The following THSD4 variants were observed in gnomAD, a reference collection of about 807,000 sequenced individuals.
The protein encoded by THSD4 is thrombospondin type-1 domain-containing protein 4.
THSD4 carries 69 observed loss-of-function variants against 119.0 expected under a neutral mutation model. The ratio of observed to expected loss-of-function variants is 0.58; its 90% CI spans 0.48 to 0.71. THSD4 has a LOEUF of 0.71. THSD4 is among the 30% of genes least tolerant of loss of function. THSD4 has a pLI of 0.00. For missense variants in THSD4, 1,393 were observed against 1,391.1 expected (o/e 1.00, Z -0.02); for synonymous variants, 524 against 540.4 (o/e 0.97, Z 0.42).
At chr15:71,742,029 T>C (rs180718729) in intron 11 of THSD4, among the ~76,000 whole-genome samples, 2 of 152,282 alleles carry the variant, frequency 1.3e-5, no homozygotes, top group East Asian at 1.9e-4. Context: ...CATCTAATGG[T>C]CGTCAGCAGT....
chr15:71,331,877 C>CT (rs1320614005), intron 6 of THSD4, among the ~76,000 whole-genome samples: 1 of 139,714 alleles, frequency 7.2e-6, no homozygotes, highest in Non-Finnish European at 1.5e-5. Context: ...GCTTTTTCAT[C>CT]TGTAATACAG....
intron 8 of THSD4, among the ~76,000 whole-genome samples, chr15:71,712,655 T>C (rs1194934613): frequency 1.3e-5 from 2 of 152,228 alleles, no homozygotes; most frequent in African/African-American, 4.8e-5. Flanking sequence ...GATAAGCCTC[T>C]ATTCACAGCC....
chr15:71,265,571 T>C (rs762272250), intron 6 of THSD4, among the ~76,000 whole-genome samples: 11 of 152,034 alleles, frequency 7.2e-5, no homozygotes, highest in Non-Finnish European at 4.4e-5. Context: ...TTTTTTTTCG[T>C]ACCCCAGTGG....
chr15:71,193,493 G>A (rs927510777), intron 3 of THSD4, among the ~76,000 whole-genome samples: 3 of 152,112 alleles, frequency 2.0e-5, no homozygotes, highest in Non-Finnish European at 4.4e-5. Flanking sequence ...TTGGACTGTG[G>A]TTCCAGGCCC....
intron 6 of THSD4, among the ~76,000 whole-genome samples, chr15:71,375,787 C>T (rs1480318269): frequency 6.6e-6 from 1 of 152,146 alleles, no homozygotes; most frequent in Non-Finnish European, 1.5e-5. Flanking sequence ...AAATTCGGGC[C>T]TCACTCCCAA....
At position 71,155,037 on chromosome 15, in the gene THSD4, C is replaced by A. The variant is rs543207991; in HGVS notation, c.99+105C>A. Reference sequence around the variant, plus strand: ...TGTTTGAAGGTGAGTCACCACTGATCCTGAAAGGAAGCACCATTTACAGAA... The same window carrying A: ...TGTTTGAAGGTGAGTCACCACTGATACTGAAAGGAAGCACCATTTACAGAA... On this transcript the variant is annotated intron_variant, in intron 3 of 17. Transcript: ENST00000261862. 2.5e-4 allele frequency: 257 copies of A among 1,045,552 alleles called. No individual in the cohort carries two copies. The African/African-American group carries it at 3.7e-3, about 15-fold the overall frequency. The allele number at this position is 1,045,552 out of a possible 1,614,324, so 64.8% of individuals were successfully genotyped here.
chr15:71,471,425 C>T (rs76542242), intron 7 of THSD4, among the ~76,000 whole-genome samples: 3,647 of 152,102 alleles, frequency 0.024, 69 homozygotes, highest in South Asian at 0.064. Context: ...TCCCACACCC[C>T]TCTTACTCAC....
At chr15:71,299,050 G>A (rs949893316) in intron 6 of THSD4, among the ~76,000 whole-genome samples, 3 of 152,176 alleles carry the variant, frequency 2.0e-5, no homozygotes, top group African/African-American at 4.8e-5. Flanking sequence ...AGTCTGAGTC[G>A]CCTTTATCTT....
chr15:71,252,091 A>T (rs1180305466), intron 5 of THSD4, among the ~76,000 whole-genome samples: 2 of 152,142 alleles, frequency 1.3e-5, no homozygotes, highest in African/African-American at 4.8e-5. Context: ...TGTTGGTCTC[A>T]TCCTGAATGA....
rs145751983 is a variant in THSD4 at position 71,548,073 on chromosome 15, T to C, written c.1153-112457T>C. 1.4e-3 allele frequency among the ~76,000 whole-genome samples: 218 copies of C among 151,384 alleles called. 1 individual carries two copies. Among genetic ancestry groups the C allele is most frequent in the African/African-American group, 5.2e-3 (213 of 41,052 alleles). On this transcript the variant is annotated intron_variant, in intron 7 of 17. Coordinates refer to ENST00000261862, the MANE Select transcript of THSD4 (RefSeq NM_024817.3). ...TGAGGATGATTTATTATTACTGGTT[T>C]AGTTCATGTGATTGTTGGGTACAGT...
intron 6 of THSD4, among the ~76,000 whole-genome samples, chr15:71,385,088 G>A (rs1393251052): frequency 1.3e-5 from 2 of 152,144 alleles, no homozygotes; most frequent in African/African-American, 2.4e-5. Flanking sequence ...GAGGCCTATA[G>A]CTGGATCCAG....
At chr15:71,569,618 G>T (rs1220080750) in intron 7 of THSD4, among the ~76,000 whole-genome samples, 1 of 152,174 alleles carries the variant, frequency 6.6e-6, no homozygotes. Flanking sequence ...CATCTAACTA[G>T]AGATGTGTCA....
At chr15:71,628,529 T>C (rs969628232) in intron 7 of THSD4, among the ~76,000 whole-genome samples, 8 of 152,106 alleles carry the variant, frequency 5.3e-5, no homozygotes, top group African/African-American at 1.9e-4. Context: ...TGCTCACCCT[T>C]TGGGACGCAT....
chr15:71,405,782 GAT>G lies in THSD4; in HGVS notation c.1016-5902_1016-5901del, dbSNP rs572098304. Among the ~76,000 whole-genome samples, 141 of 152,260 alleles carry G rather than the reference GAT, an allele frequency of 9.3e-4. 4 individuals are homozygous for G. In the South Asian group the frequency reaches 0.028, roughly 30 times the overall value. On this transcript the variant is annotated intron_variant, in intron 6 of 17. Coordinates refer to ENST00000261862, the MANE Select transcript of THSD4 (RefSeq NM_024817.3). Reference sequence around the variant, plus strand: ...TAAATCTTCAGATCCAAGAAAATGTGATATCTTTCCATTTGTTTAGATCTTCC... The same window carrying G: ...TAAATCTTCAGATCCAAGAAAATGTGATCTTTCCATTTGTTTAGATCTTCC...
At chr15:71,442,662 A>G (rs13379767) in intron 7 of THSD4, among the ~76,000 whole-genome samples, 14,157 of 35,898 alleles carry the variant, frequency 0.39, 3,966 homozygotes, top group East Asian at 0.67. Context: ...GTGTGTGTGT[A>G]TATATATATA....
At chr15:71,618,312 G>GT (rs2050354731) in intron 7 of THSD4, among the ~76,000 whole-genome samples, 1 of 152,068 alleles carries the variant, frequency 6.6e-6, no homozygotes, top group Non-Finnish European at 1.5e-5. Flanking sequence ...CCACTTCCAG[G>GT]TATACACTTT....
At chr15:71,386,630 A>C (rs2046296666) in intron 6 of THSD4, among the ~76,000 whole-genome samples, 1 of 152,272 alleles carries the variant, frequency 6.6e-6, no homozygotes, top group Non-Finnish European at 1.5e-5. Flanking sequence ...AATTTCCAGC[A>C]GATGGAGATG....
chr15:71,758,285 T>C (rs2053578195), intron 15 of THSD4, among the ~76,000 whole-genome samples: 1 of 152,258 alleles, frequency 6.6e-6, no homozygotes, highest in Non-Finnish European at 1.5e-5. Flanking sequence ...CTCATCTAAG[T>C]ACTTGGGTTA....
chr15:71,294,524 G>C (rs1447339776), intron 6 of THSD4, among the ~76,000 whole-genome samples: 1 of 152,114 alleles, frequency 6.6e-6, no homozygotes, highest in Non-Finnish European at 1.5e-5. Flanking sequence ...TTCCTTTTAA[G>C]AAAGGGTCTT....
Sources: gnomAD v4.1 joint callset for allele counts (sites outside exome capture counted in the v4.1 genomes callset) on GRCh38, gnomAD v4.1.1 for gene constraint, MANE v1.5 for transcripts, NCBI Gene and HGNC (gene_info 2026-07-23, HGNC 2026-07-21) for gene names.